SLC71A1: variants seen among roughly 807,000 people sequenced by gnomAD.
SLC71A1 encodes the protein solute carrier family 71 member 1.
the SLC71A1 span, among the ~76,000 whole-genome samples, chr1:100,054,188 C>G: frequency 6.6e-6 from 1 of 151,640 alleles, no homozygotes; most frequent in Non-Finnish European, 1.5e-5. Flanking sequence ...ATTACAGGTG[C>G]ATGTCACCAC....
the SLC71A1 span, chr1:100,068,698 T>C: frequency 4.0e-5 from 28 of 704,822 alleles, no homozygotes; most frequent in Middle Eastern, 2.7e-4. Context: ...ATGAATATCA[T>C]TGGACTTGGT....
the SLC71A1 span, among the ~76,000 whole-genome samples, chr1:100,043,844 A>G: frequency 6.6e-6 from 1 of 152,370 alleles, no homozygotes; most frequent in Middle Eastern, 3.4e-3. Context: ...ACTTAGAATA[A>G]TGGCCTCCAA....
the SLC71A1 span, among the ~76,000 whole-genome samples, chr1:100,070,913 T>C: frequency 6.6e-6 from 1 of 152,154 alleles, no homozygotes; most frequent in African/African-American, 2.4e-5. Context: ...GCAGGTCTCA[T>C]GATTCATTCT....
At chr1:100,052,919 G>A in the SLC71A1 span, among the ~76,000 whole-genome samples, 1 of 152,048 alleles carries the variant, frequency 6.6e-6, no homozygotes, top group African/African-American at 2.4e-5. Context: ...GAGTAGCTGG[G>A]ACTATAGGCA....
the SLC71A1 span, chr1:100,050,093 C>T: frequency 1.1e-5 from 8 of 711,266 alleles, no homozygotes; most frequent in Admixed American, 7.3e-5. Context: ...TCCCTTTGCA[C>T]GGTTAATTCT....
chr1:100,067,970 A>G, the SLC71A1 span: 1 of 1,612,734 alleles, frequency 6.2e-7, no homozygotes, highest in Non-Finnish European at 8.5e-7. Context: ...TCCTTAATTT[A>G]TTGCAGGTTT....
chr1:100,082,040 C>T, the SLC71A1 span: 1 of 1,613,472 alleles, frequency 6.2e-7, no homozygotes, highest in Non-Finnish European at 8.5e-7. Context: ...CTATTTGGAG[C>T]CTGTTCAGTA....
chr1:100,043,259 A>C, the SLC71A1 span: 1 of 872,402 alleles, frequency 1.1e-6, no homozygotes, highest in Non-Finnish European at 1.4e-6. Flanking sequence ...GTATGATTTA[A>C]AAGTTTCAAT....
chr1:100,045,109 A>G, the SLC71A1 span, among the ~76,000 whole-genome samples: 1 of 143,142 alleles, frequency 7.0e-6, no homozygotes, highest in African/African-American at 3.0e-5. Flanking sequence ...TCATTTTCAC[A>G]ATGTTGATTC....
At chr1:100,071,289 CAAAAAAAAAAAAAAA>C in the SLC71A1 span, among the ~76,000 whole-genome samples, 2 of 53,342 alleles carry the variant, frequency 3.7e-5, no homozygotes, top group Admixed American at 6.0e-4. Context: ...CCATCTCTAC[CAAAAAAAAAAAAAAA>C]AAAAAAAAAA....
chr1:100,046,473 G>A, the SLC71A1 span, among the ~76,000 whole-genome samples: 14 of 152,132 alleles, frequency 9.2e-5, no homozygotes, highest in East Asian at 1.4e-3. Flanking sequence ...TGATCCGCCC[G>A]CCTTGGCCTC....
At chr1:100,081,533 C>G in the SLC71A1 span, among the ~76,000 whole-genome samples, 113 of 152,064 alleles carry the variant, frequency 7.4e-4, no homozygotes, top group Non-Finnish European at 1.0e-3. Context: ...CCACCATGAC[C>G]GGCTAATTTT....
the SLC71A1 span, among the ~76,000 whole-genome samples, chr1:100,040,546 C>T: frequency 2.6e-5 from 4 of 152,018 alleles, no homozygotes; most frequent in Non-Finnish European, 5.9e-5. Flanking sequence ...CTGTAACCAC[C>T]GCCTCCTGGG....
chr1:100,057,978 CAGG>C, the SLC71A1 span: 1 of 152,128 alleles, frequency 6.6e-6, no homozygotes, highest in South Asian at 2.1e-4. Context: ...TGGGATTAAA[CAGG>C]AGTACATATA....
At chr1:100,053,624 A>G in the SLC71A1 span, among the ~76,000 whole-genome samples, 1 of 152,136 alleles carries the variant, frequency 6.6e-6, no homozygotes, top group South Asian at 2.1e-4. Flanking sequence ...ATTAATTTTG[A>G]ATGTCTGGTT....
At chr1:100,038,139 G>C in the SLC71A1 span, 1 of 1,142,596 alleles carries the variant, frequency 8.8e-7, no homozygotes, top group Non-Finnish European at 1.3e-6. Context: ...GCCCAGAGCG[G>C]CTCGGCCCGG....
At chr1:100,053,887 T>C in the SLC71A1 span, among the ~76,000 whole-genome samples, 1 of 152,252 alleles carries the variant, frequency 6.6e-6, no homozygotes, top group African/African-American at 2.4e-5. Context: ...TTTTGAGAGG[T>C]TATGAATATA....
the SLC71A1 span, among the ~76,000 whole-genome samples, chr1:100,075,901 C>G: frequency 6.6e-6 from 1 of 152,156 alleles, no homozygotes; most frequent in Admixed American, 6.5e-5. Flanking sequence ...TGGTCTCAAA[C>G]TCCTGGGTTC....
chr1:100,058,654 T>G, the SLC71A1 span: 2 of 1,448,456 alleles, frequency 1.4e-6, no homozygotes, highest in Non-Finnish European at 1.9e-6. Context: ...TATTTTGGTT[T>G]TTATTCTTTA....
Sources: allele counts gnomAD v4.1 joint callset (sites outside exome capture counted in the v4.1 genomes callset), GRCh38; gene constraint gnomAD v4.1.1; transcripts MANE v1.5; gene names NCBI Gene and HGNC (gene_info 2026-07-23, HGNC 2026-07-21).